Variants in SSUH2 observed in about 807,000 individuals in gnomAD.
The protein encoded by SSUH2 is ssu-2 homolog, also known as protein SSUH2 homolog.
SSUH2 carries 47 observed loss-of-function variants against 55.3 expected under a neutral mutation model. The observed-to-expected ratio is 0.85, with a 90% CI of 0.67 to 1.08. SSUH2 has a LOEUF of 1.08. Ranked by LOEUF, SSUH2 falls within the 50% of genes least tolerant of loss-of-function variation. SSUH2 has a pLI of 0.00. For missense variants in SSUH2, 535 were observed against 490.7 expected, an observed-to-expected ratio of 1.09 and a Z score of -0.85; for synonymous variants, 212 against 191.5, an observed-to-expected ratio of 1.11 and a Z score of -0.89.
intron 7 of SSUH2, among the ~76,000 whole-genome samples, chr3:8,658,070 C>T (rs1703109693): frequency 6.6e-6 from 1 of 152,232 alleles, no homozygotes; most frequent in African/African-American, 2.4e-5. Context: ...TGGGGTCAAA[C>T]TGCATCCTAG....
chr3:8,634,201 T>G, intron 3 of SSUH2: 2 of 576,614 alleles, frequency 3.5e-6, no homozygotes, highest in Non-Finnish European at 2.9e-6. Flanking sequence ...ACCTTGACCT[T>G]AGCCAGAGGA....
At chr3:8,648,220 T>C (rs1701957924), upstream of SSUH2, among the ~76,000 whole-genome samples, 1 of 152,172 alleles carries the variant, frequency 6.6e-6, no homozygotes, top group African/African-American at 2.4e-5. Flanking sequence ...TTGAGTGACT[T>C]ACCCAAGGTC....
intron 5 of SSUH2, 150 bp from the exon 6 acceptor site, chr3:8,631,079 G>T: frequency 1.2e-6 from 1 of 803,760 alleles, no homozygotes; most frequent in East Asian, 3.3e-5. Context: ...GCCTTCCTTG[G>T]AGGCAGTGAC....
In SSUH2 at chr3:8,625,546, G is replaced by A. The variant is rs116018766; in HGVS notation, c.869C>T (p.Ser290Leu). ...KGENLFKDENSVVYPIVDFPL... is the reference protein window; with the variant it reads ...KGENLFKDENLVVYPIVDFPL... Reference sequence around the variant, plus strand: ...CCATCTACAATGCCCTCTTACCACCGAGTTTTCATCCTTAAAGAGGTTTTC... The same window carrying A: ...CCATCTACAATGCCCTCTTACCACCAAGTTTTCATCCTTAAAGAGGTTTTC... The change falls in exon 10 of 12, where the codon TCG becomes TTG. Residue 290 changes from serine to leucine, a missense_variant. By Grantham distance (145) the Ser-to-Leu change is moderately radical. Transcript: ENST00000544814. The A allele has an allele frequency of 1.4e-5, 22 of 1,608,476 alleles. No individual in the cohort carries two copies. Among genetic ancestry groups the A allele is most frequent in the South Asian group, 5.5e-5 (5 of 90,868 alleles).
intron 10 of SSUH2, 106 bp from the exon 11 acceptor site, chr3:8,623,762 G>A (rs1238044921): frequency 3.4e-6 from 2 of 594,654 alleles, no homozygotes; most frequent in Admixed American, 3.1e-5. Flanking sequence ...AGAGAAGGGG[G>A]CTGAGAGAGG....
intron 3 of SSUH2, among the ~76,000 whole-genome samples, chr3:8,672,213 G>A (rs955847688): frequency 3.3e-5 from 5 of 151,934 alleles, no homozygotes; most frequent in African/African-American, 7.3e-5. Context: ...TATCCCTGGG[G>A]TGGTGTACAC....
chr3:8,620,044 C>A lies in SSUH2; in HGVS notation c.982-30G>T, dbSNP rs754640395. The A allele has an allele frequency of 3.7e-6, 6 of 1,611,280 alleles. No homozygotes were observed. The South Asian group carries it at 6.6e-5, about 18-fold the overall frequency. ...GGAAACAAATAGCCAAGGAAAATGT[C>A]AGTGTTCTGTTCAAGTCACTCACCT... On this transcript the variant is annotated intron_variant, in intron 11 of 11. Coordinates refer to ENST00000544814, the MANE Select transcript of SSUH2 (RefSeq NM_001256748.3).
At chr3:8,632,004 G>T in intron 5 of SSUH2, 45 bp downstream of exon 5, 1 of 1,500,324 alleles carries the variant, frequency 6.7e-7, no homozygotes, top group Non-Finnish European at 9.3e-7. Flanking sequence ...CCAGCACCCT[G>T]ACTTATTTGC....
At chr3:8,671,948 T>C (rs1048640984) in exon 4 of SSUH2, 2 of 152,092 alleles carry the variant, frequency 1.3e-5, no homozygotes, top group Admixed American at 6.5e-5. Flanking sequence ...TTGTCAGTAA[T>C]ATCTTCTCAG....
intron 1 of SSUH2, among the ~76,000 whole-genome samples, chr3:8,639,704 G>A (rs1156980113): frequency 6.6e-6 from 1 of 152,184 alleles, no homozygotes; most frequent in Non-Finnish European, 1.5e-5. Flanking sequence ...GATGAGAAAG[G>A]AAATCAATGT....
At chr3:8,679,101 C>T (rs1356010588) in intron 2 of SSUH2, among the ~76,000 whole-genome samples, 1 of 109,038 alleles carries the variant, frequency 9.2e-6, no homozygotes, top group African/African-American at 3.1e-5. Context: ...CACCTCTTTC[C>T]CCCCTGGCTC....
intron 3 of SSUH2, chr3:8,634,033 A>C (rs111399754): frequency 7.5e-7 from 1 of 1,340,828 alleles, no homozygotes; most frequent in Admixed American, 2.3e-5. Flanking sequence ...TGAAATGTGG[A>C]GCTTAGGAGA....
chr3:8,635,716 C>T (rs973996598), intron 2 of SSUH2, 43 bp downstream of exon 2: 1 of 1,499,018 alleles, frequency 6.7e-7, no homozygotes, highest in Non-Finnish European at 8.9e-7. Context: ...CCAGCGTGAG[C>T]CCTAGGTAGA....
rs1308238901 is a variant in SSUH2, at chr3:8,659,719, GTCCA to G, written c.-395-710_-395-707del. 15 of 454,222 alleles carry G rather than the reference GTCCA, an allele frequency of 3.3e-5. No homozygotes were observed. In the Admixed American group the frequency reaches 3.5e-4, roughly 11 times the overall value. The allele number at this position is 454,222 out of a possible 1,614,324, so 28.1% of individuals were successfully genotyped here. ...TCCATCTACCATGCATCATCCGTCT[GTCCA>G]TCCATCCATATATGTATTCATTCAT... On this transcript the variant is annotated intron_variant, in intron 6 of 18. Transcript: ENST00000317371.
upstream of SSUH2, among the ~76,000 whole-genome samples, chr3:8,645,288 T>C (rs1050010094): frequency 6.6e-6 from 1 of 152,166 alleles, no homozygotes; most frequent in Non-Finnish European, 1.5e-5. Flanking sequence ...CTCATCTCCC[T>C]GGGGAAGAAA....
intron 3 of SSUH2, among the ~76,000 whole-genome samples, chr3:8,673,934 G>A (rs2124841619): frequency 6.6e-6 from 1 of 152,276 alleles, no homozygotes; most frequent in Non-Finnish European, 1.5e-5. Flanking sequence ...TGAGGCCTAA[G>A]GTATGTATAC....
intron 7 of SSUH2, among the ~76,000 whole-genome samples, chr3:8,658,569 G>C (rs1005273608): frequency 6.6e-6 from 1 of 152,184 alleles, no homozygotes; most frequent in African/African-American, 2.4e-5. Flanking sequence ...GTTTTGCTTT[G>C]TTCGGCCGGG....
chr3:8,631,273 T>C (rs903230615), intron 5 of SSUH2, among the ~76,000 whole-genome samples: 6 of 152,154 alleles, frequency 3.9e-5, no homozygotes, highest in Non-Finnish European at 8.8e-5. Context: ...GAAGAATGTA[T>C]ATAAAATTGT....
intron 1 of SSUH2, among the ~76,000 whole-genome samples, chr3:8,681,033 A>T (rs540300696): frequency 2.9e-5 from 4 of 137,908 alleles, no homozygotes; most frequent in South Asian, 2.2e-4. Flanking sequence ...AGTGGCGGGG[A>T]CTGAGAGCCA....
Sources: gnomAD v4.1 joint callset for allele counts (sites outside exome capture counted in the v4.1 genomes callset) on GRCh38, gnomAD v4.1.1 for gene constraint, MANE v1.5 for transcripts, NCBI Gene and HGNC (gene_info 2026-07-23, HGNC 2026-07-21) for gene names.